Variants in SHISA9 observed in about 807,000 individuals in gnomAD.
The protein encoded by SHISA9 is protein shisa-9.
A neutral mutation model predicts 38.0 loss-of-function variants in SHISA9; 13 were observed. That is an observed-to-expected ratio of 0.34 (90% confidence interval 0.22 to 0.54). The LOEUF is 0.54. Ranked by LOEUF, SHISA9 falls within the 20% of genes least tolerant of loss-of-function variation. The probability of loss-of-function intolerance (pLI) is 0.91; values close to 1 mark genes in which losing one functional copy is unlikely to be tolerated. For missense variants in SHISA9, 538 were observed against 575.8 expected (o/e 0.93, Z 0.67); for synonymous variants, 275 against 242.0 (o/e 1.14, Z -1.27).
intron 2 of SHISA9, among the ~76,000 whole-genome samples, chr16:13,008,633 TC>T (rs1262641938): frequency 1.1e-5 from 1 of 90,060 alleles, no homozygotes; most frequent in African/African-American, 4.6e-5. Flanking sequence ...TCTCCCTCTC[TC>T]CTCCCTCCCT....
the SHISA9 span, among the ~76,000 whole-genome samples, chr16:13,430,172 G>A: frequency 1.2e-4 from 18 of 152,122 alleles, no homozygotes; most frequent in African/African-American, 3.9e-4. Context: ...TCTCTAGAAC[G>A]GTGAGAAAAC....
intron 2 of SHISA9, among the ~76,000 whole-genome samples, chr16:13,081,521 T>C (rs4781401): frequency 0.047 from 7,044 of 150,842 alleles, 328 homozygotes; most frequent in Admixed American, 0.14. Context: ...TTAGACATTG[T>C]GGCAAGCCTT....
intron 1 of SHISA9, chr16:12,908,916 A>T: frequency 9.7e-7 from 1 of 1,031,866 alleles, no homozygotes; most frequent in Non-Finnish European, 1.2e-6. Flanking sequence ...CAAATGGCAG[A>T]TAAGGGTCCT....
chr16:13,469,383 AAGAAAGAAAG>A, the SHISA9 span, among the ~76,000 whole-genome samples: 40 of 109,774 alleles, frequency 3.6e-4, no homozygotes, highest in East Asian at 7.7e-3. Flanking sequence ...GAAAGAAAGA[AAGAAAGAAAG>A]AAAGAAAGAA....
the SHISA9 span, among the ~76,000 whole-genome samples, chr16:13,547,963 ATACAT>A: frequency 3.9e-5 from 6 of 152,166 alleles, no homozygotes; most frequent in African/African-American, 7.2e-5. Context: ...TGACTTCAAA[ATACAT>A]TACAAGTCTA....
At chr16:13,117,249 A>G (rs187348549) in intron 2 of SHISA9, among the ~76,000 whole-genome samples, 2 of 152,268 alleles carry the variant, frequency 1.3e-5, no homozygotes, top group East Asian at 3.9e-4. Context: ...TGCTGGGATT[A>G]TGGGCATGAG....
intron 2 of SHISA9, among the ~76,000 whole-genome samples, chr16:12,936,942 G>T (rs887104994): frequency 6.6e-6 from 1 of 152,082 alleles, no homozygotes; most frequent in Non-Finnish European, 1.5e-5. Context: ...GGGCGGTGGG[G>T]TTTGTGTATT....
At chr16:13,105,524 C>G (rs1426782501) in intron 2 of SHISA9, among the ~76,000 whole-genome samples, 1 of 152,158 alleles carries the variant, frequency 6.6e-6, no homozygotes. Flanking sequence ...TAGGATGTCC[C>G]CATGGGGCTT....
chr16:13,145,699 GTTA>G (rs2050441501), intron 2 of SHISA9, among the ~76,000 whole-genome samples: 1 of 152,208 alleles, frequency 6.6e-6, no homozygotes, highest in African/African-American at 2.4e-5. Context: ...TGGAAAGTGA[GTTA>G]TTAATAATAG....
the SHISA9 span, among the ~76,000 whole-genome samples, chr16:13,433,046 C>T: frequency 6.6e-6 from 1 of 151,334 alleles, no homozygotes; most frequent in African/African-American, 2.4e-5. Context: ...CATACCTGCA[C>T]TTGTAACCCT....
At chr16:13,073,646 CAA>C (rs556970096) in intron 2 of SHISA9, among the ~76,000 whole-genome samples, 5 of 152,008 alleles carry the variant, frequency 3.3e-5, no homozygotes, top group Middle Eastern at 3.2e-3. Context: ...CTTATTTGGA[CAA>C]AGAGATCTTT....
chr16:13,094,012 G>GAAGAA (rs1463595763), intron 2 of SHISA9, among the ~76,000 whole-genome samples: 1 of 152,140 alleles, frequency 6.6e-6, no homozygotes, highest in Non-Finnish European at 1.5e-5. Flanking sequence ...GGTCCCAACA[G>GAAGAA]AAGCTGGCCC....
the SHISA9 span, among the ~76,000 whole-genome samples, chr16:13,441,322 C>T: frequency 6.6e-6 from 1 of 152,100 alleles, no homozygotes; most frequent in Non-Finnish European, 1.5e-5. Flanking sequence ...TCACCAAATC[C>T]CAAGAATGGA....
chr16:13,049,116 C>T (rs1261216347), intron 2 of SHISA9, among the ~76,000 whole-genome samples: 1 of 150,510 alleles, frequency 6.6e-6, no homozygotes, highest in African/African-American at 2.4e-5. Flanking sequence ...ACTGACAGAT[C>T]CAAAGGCTTG....
At chr16:13,217,096 C>A (rs379007) in intron 4 of SHISA9, among the ~76,000 whole-genome samples, 68,345 of 149,566 alleles carry the variant, frequency 0.46, 16,095 homozygotes, top group East Asian at 0.75. Flanking sequence ...ACGGTGAAAC[C>A]CCATCTCTAC....
the SHISA9 span, among the ~76,000 whole-genome samples, chr16:13,517,543 G>T: frequency 2.0e-5 from 3 of 152,220 alleles, no homozygotes; most frequent in African/African-American, 7.2e-5. Flanking sequence ...GTTTAATCAA[G>T]TTAATTCAGT....
the SHISA9 span, among the ~76,000 whole-genome samples, chr16:13,306,841 C>T: frequency 6.6e-6 from 1 of 152,074 alleles, no homozygotes; most frequent in African/African-American, 2.4e-5. Flanking sequence ...AAATTTGTGG[C>T]CATATCTTAA....
At chr16:13,111,839 C>A (rs146343647) in intron 2 of SHISA9, among the ~76,000 whole-genome samples, 1 of 152,070 alleles carries the variant, frequency 6.6e-6, no homozygotes, top group African/African-American at 2.4e-5. Flanking sequence ...TATGATTGTT[C>A]CTGGATAGGT....
intron 2 of SHISA9, among the ~76,000 whole-genome samples, chr16:13,192,351 G>T (rs1319801367): frequency 6.6e-6 from 1 of 151,984 alleles, no homozygotes; most frequent in Non-Finnish European, 1.5e-5. Flanking sequence ...TAACAAATAT[G>T]CACAAATATG....
Sources: allele counts gnomAD v4.1 joint callset (sites outside exome capture counted in the v4.1 genomes callset), GRCh38; gene constraint gnomAD v4.1.1; transcripts MANE v1.5; gene names NCBI Gene and HGNC (gene_info 2026-07-23, HGNC 2026-07-21).